Variants in DTWD2 observed in about 807,000 individuals in gnomAD.
DTWD2 encodes the protein DTW motif tRNA-uridine aminocarboxypropyltransferase 2.
In DTWD2, 39 loss-of-function variants were observed where a neutral mutation model predicts 31.8. The observed-to-expected ratio is 1.22, with a 90% CI of 0.95 to 1.60. The LOEUF is 1.60. Among genes scored for constraint, DTWD2 ranks in the 40% most tolerant of loss-of-function variants. DTWD2 has a pLI of 0.00. For synonymous variants in DTWD2, 180 were observed against 142.8 expected, an observed-to-expected ratio of 1.26 and a Z score of -1.86; for missense variants, 515 against 381.5, an observed-to-expected ratio of 1.35 and a Z score of -2.92.
At chr5:118,941,544 T>C (rs980578209) in intron 2 of DTWD2, among the ~76,000 whole-genome samples, 2 of 152,266 alleles carry the variant, frequency 1.3e-5, no homozygotes, top group Non-Finnish European at 2.9e-5. Context: ...TTCCATGGTG[T>C]ATATGTGCCA....
At chr5:118,882,986 C>G (rs193128047) in intron 4 of DTWD2, among the ~76,000 whole-genome samples, 52 of 152,350 alleles carry the variant, frequency 3.4e-4, no homozygotes, top group African/African-American at 1.2e-3. Flanking sequence ...CATGGTCAGG[C>G]CGCAAATTTT....
intron 4 of DTWD2, among the ~76,000 whole-genome samples, chr5:118,923,299 G>T (rs569854780): frequency 2.6e-5 from 4 of 152,278 alleles, no homozygotes; most frequent in African/African-American, 9.6e-5. Flanking sequence ...CATTCAGGGC[G>T]CCAGAGCGAG....
Position 118,850,477 on chromosome 5 carries a change from C to CAAAAAAAA in DTWD2, c.598-2267_598-2260dup, listed in dbSNP as rs34808087. 1.3e-3 allele frequency among the ~76,000 whole-genome samples: 39 copies of CAAAAAAAA among 30,478 alleles called. 3 individuals carry two copies. The highest frequency in any genetic ancestry group is 3.0e-3 in the East Asian group (2 of 666). The allele number at this position is 30,478 out of a possible 152,430, so 20.0% of individuals were successfully genotyped here. ...TGGGTGACAGAGCCAGACCCCACCA[C>CAAAAAAAA]AAAAAAAAAAAAAAAAAAAAAAAAA... is the stretch of plus-strand genomic sequence containing the variant. On this transcript the variant is annotated intron_variant, in intron 4 of 5. Transcript: ENST00000510708.
intron 4 of DTWD2, among the ~76,000 whole-genome samples, chr5:118,923,413 C>A (rs896509115): frequency 3.9e-5 from 6 of 152,020 alleles, no homozygotes; most frequent in African/African-American, 1.5e-4. Context: ...GACAAAATGG[C>A]GAAATATGAC....
chr5:118,849,333 C>T (rs114439414), intron 4 of DTWD2, among the ~76,000 whole-genome samples: 2,280 of 152,284 alleles, frequency 0.015, 36 homozygotes, highest in South Asian at 0.077. Context: ...GAGATACCAC[C>T]TCACTCCAGT....
chr5:118,928,239 A>C (rs1753848926), intron 4 of DTWD2, among the ~76,000 whole-genome samples: 1 of 152,066 alleles, frequency 6.6e-6, no homozygotes, highest in South Asian at 2.1e-4. Context: ...AATAATCCTT[A>C]GACTTCTCTG....
At chr5:118,968,272 T>C (rs549335201) in intron 1 of DTWD2, among the ~76,000 whole-genome samples, 3 of 150,020 alleles carry the variant, frequency 2.0e-5, no homozygotes, top group Non-Finnish European at 3.0e-5. Flanking sequence ...ATTAATGCAA[T>C]GTGGGATGCT....
chr5:118,953,125 C>T (rs1290828669), intron 1 of DTWD2, among the ~76,000 whole-genome samples: 1 of 152,178 alleles, frequency 6.6e-6, no homozygotes, highest in Non-Finnish European at 1.5e-5. Flanking sequence ...GCCCTCAGAG[C>T]TTCTGATTCA....
chr5:118,859,370 A>G (rs936507958), intron 4 of DTWD2, among the ~76,000 whole-genome samples: 3 of 152,174 alleles, frequency 2.0e-5, no homozygotes, highest in African/African-American at 4.8e-5. Flanking sequence ...TTTTTCACTT[A>G]TTTTTAAAGT....
rs187201738 is a variant in DTWD2, at chr5:118,988,418, G to A, written c.94C>T (p.Arg32Trp). ...SSQTPNDKER[R>W]EGGAVPAAAA... Reference sequence around the variant, plus strand: ...GCCGCCGGCACTGCGCCGCCCTCCCGCCGCTCCTTGTCGTTCGGCGTCTGA... The same window carrying A: ...GCCGCCGGCACTGCGCCGCCCTCCCACCGCTCCTTGTCGTTCGGCGTCTGA... The change falls in exon 1 of 6, where the codon CGG becomes TGG. Residue 32 changes from arginine to tryptophan, a missense_variant. Physicochemically the swap from Arg to Trp is moderately radical, Grantham distance 101. Transcript: ENST00000510708. 1 of 1,604,970 alleles carries A rather than the reference G, an allele frequency of 6.2e-7. No homozygotes were observed. The highest frequency in any genetic ancestry group is 1.3e-5 in the African/African-American group (1 of 74,104).
chr5:118,864,543 AAGAC>A (rs1752341092), intron 4 of DTWD2, among the ~76,000 whole-genome samples: 1 of 151,160 alleles, frequency 6.6e-6, no homozygotes, highest in Admixed American at 6.6e-5. Context: ...AAAAAAAAAA[AAGAC>A]AGAAGGCAGT....
At chr5:118,947,188 C>T (rs574457052) in intron 1 of DTWD2, among the ~76,000 whole-genome samples, 2 of 152,034 alleles carry the variant, frequency 1.3e-5, no homozygotes, top group South Asian at 2.1e-4. Flanking sequence ...TGGGGCCCCC[C>T]GGCAGTGTCT....
chr5:118,946,683 T>C (rs1580428756), intron 1 of DTWD2, among the ~76,000 whole-genome samples: 1 of 152,120 alleles, frequency 6.6e-6, no homozygotes, highest in South Asian at 2.1e-4. Flanking sequence ...TTAATAAATC[T>C]ATTCAAATTT....
chr5:118,895,583 A>G (rs1753067313), intron 4 of DTWD2, among the ~76,000 whole-genome samples: 1 of 152,206 alleles, frequency 6.6e-6, no homozygotes, highest in South Asian at 2.1e-4. Flanking sequence ...AACAAAGCTG[A>G]AGGCATCACA....
intron 3 of DTWD2, among the ~76,000 whole-genome samples, chr5:118,937,070 A>T (rs1754060271): frequency 1.3e-5 from 2 of 152,172 alleles, no homozygotes; most frequent in South Asian, 4.1e-4. Context: ...ATGTTTAATA[A>T]ATGAATTATA....
intron 1 of DTWD2, among the ~76,000 whole-genome samples, chr5:118,979,361 G>A (rs1755240657): frequency 6.6e-6 from 1 of 152,066 alleles, no homozygotes; most frequent in African/African-American, 2.4e-5. Context: ...AACAACAGAT[G>A]CTGGTGAGGT....
chr5:118,976,103 T>G (rs1244340727), intron 1 of DTWD2, among the ~76,000 whole-genome samples: 1 of 152,002 alleles, frequency 6.6e-6, no homozygotes, highest in African/African-American at 2.4e-5. Flanking sequence ...GGGTAAATAA[T>G]GAAATTAAGG....
chr5:118,896,967 C>A (rs1174173119), intron 4 of DTWD2, among the ~76,000 whole-genome samples: 1 of 152,172 alleles, frequency 6.6e-6, no homozygotes, highest in African/African-American at 2.4e-5. Context: ...GACATCAAAT[C>A]AAACCATGAC....
chr5:118,898,146 T>C lies in DTWD2; in HGVS notation c.597+30391A>G, dbSNP rs1753122390. Among the ~76,000 whole-genome samples, 4 of 152,314 alleles carry C rather than the reference T, an allele frequency of 2.6e-5. No individual in the cohort carries two copies. In the South Asian group the frequency reaches 8.3e-4, roughly 32 times the overall value. ...TCCCAAAGTGCTGAGATTATAGGCATGAGCCACCATGCCCAGCCAAAAAAT... is the reference window on the plus strand; with the variant it reads ...TCCCAAAGTGCTGAGATTATAGGCACGAGCCACCATGCCCAGCCAAAAAAT... On this transcript the variant is annotated intron_variant, in intron 4 of 5. Coordinates refer to ENST00000510708, the MANE Select transcript of DTWD2 (RefSeq NM_173666.4).
Sources: allele counts gnomAD v4.1 joint callset (sites outside exome capture counted in the v4.1 genomes callset), GRCh38; gene constraint gnomAD v4.1.1; transcripts MANE v1.5; gene names NCBI Gene and HGNC (gene_info 2026-07-23, HGNC 2026-07-21).